EPM2A: variants seen among roughly 807,000 people sequenced by gnomAD.
EPM2A encodes laforin.
Under a neutral mutation model 26.5 loss-of-function variants are expected in EPM2A, and 21 were observed. The ratio of observed to expected loss-of-function variants is 0.79; its 90% confidence interval spans 0.56 to 1.14. EPM2A has a LOEUF of 1.14. EPM2A is among the 50% of genes most tolerant of loss of function. The pLI is 0.00. For synonymous variants in EPM2A, 217 were observed against 177.6 expected, an observed-to-expected ratio of 1.22 and a Z score of -1.76; for missense variants, 458 against 440.8, an observed-to-expected ratio of 1.04 and a Z score of -0.35.
chr6:145,595,987 T>C (rs1781337938), intron 2 of EPM2A, among the ~76,000 whole-genome samples: 1 of 152,134 alleles, frequency 6.6e-6, no homozygotes, highest in African/African-American at 2.4e-5. Flanking sequence ...GCAATAAAAA[T>C]AGATGTTAGT....
intron 2 of EPM2A, among the ~76,000 whole-genome samples, chr6:145,586,919 C>T (rs1781203190): frequency 6.6e-6 from 1 of 152,150 alleles, no homozygotes; most frequent in South Asian, 2.1e-4. Context: ...ATTCTTATTC[C>T]TCATATTATA....
chr6:145,717,992 T>C (rs1775732291), intron 1 of EPM2A, among the ~76,000 whole-genome samples: 1 of 151,136 alleles, frequency 6.6e-6, no homozygotes, highest in African/African-American at 2.4e-5. Context: ...TGGAAGAACA[T>C]TCCATGCTCA....
chr6:145,489,577 TA>T, intron 4 of EPM2A: 1 of 892,398 alleles, frequency 1.1e-6, no homozygotes, highest in Non-Finnish European at 1.7e-6. Flanking sequence ...ATACTGCCCA[TA>T]ATCCGTTCAA....
At chr6:145,388,876 G>T (rs1302153525) in intron 4 of EPM2A, among the ~76,000 whole-genome samples, 1 of 152,152 alleles carries the variant, frequency 6.6e-6, no homozygotes, top group Non-Finnish European at 1.5e-5. Context: ...GTATTCCATG[G>T]TGTAGATGTG....
At chr6:145,618,180 G>C (rs1223603720) in intron 2 of EPM2A, among the ~76,000 whole-genome samples, 3 of 152,002 alleles carry the variant, frequency 2.0e-5, no homozygotes, top group African/African-American at 7.3e-5. Flanking sequence ...CCTCAGAGAG[G>C]GTGTCTTCAA....
At chr6:145,589,335 T>C (rs541984241) in intron 2 of EPM2A, among the ~76,000 whole-genome samples, 1 of 152,296 alleles carries the variant, frequency 6.6e-6, no homozygotes, top group Non-Finnish European at 1.5e-5. Flanking sequence ...TAAAAATGTT[T>C]CCATTTTTAT....
At chr6:145,568,079 A>C (rs1780907139) in intron 2 of EPM2A, among the ~76,000 whole-genome samples, 1 of 152,206 alleles carries the variant, frequency 6.6e-6, no homozygotes, top group Non-Finnish European at 1.5e-5. Context: ...AATGTCATTT[A>C]TGTTAACTAA....
chr6:145,482,196 A>G (rs550776265), intron 4 of EPM2A, among the ~76,000 whole-genome samples: 1 of 152,330 alleles, frequency 6.6e-6, no homozygotes, highest in African/African-American at 2.4e-5. Flanking sequence ...CTGTGATTTC[A>G]GTAGCACTAT....
At chr6:145,473,562 G>A (rs1779503918) in intron 4 of EPM2A, among the ~76,000 whole-genome samples, 1 of 151,906 alleles carries the variant, frequency 6.6e-6, no homozygotes, top group Non-Finnish European at 1.5e-5. Context: ...AGTACAAGAA[G>A]GTTATAGAAC....
intron 2 of EPM2A, among the ~76,000 whole-genome samples, chr6:145,610,168 C>G (rs990903357): frequency 6.6e-6 from 1 of 150,614 alleles, no homozygotes; most frequent in South Asian, 2.1e-4. Flanking sequence ...GAGCCAAGAT[C>G]GTGCCACTGC....
At chr6:145,458,494 G>T (rs1166643521) in intron 4 of EPM2A, among the ~76,000 whole-genome samples, 1 of 152,108 alleles carries the variant, frequency 6.6e-6, no homozygotes, top group South Asian at 2.1e-4. Flanking sequence ...ATCTCTCGAG[G>T]CATTAGGATA....
intron 4 of EPM2A, among the ~76,000 whole-genome samples, chr6:145,402,484 G>A (rs913845530): frequency 6.6e-6 from 1 of 152,110 alleles, no homozygotes; most frequent in Non-Finnish European, 1.5e-5. Flanking sequence ...ATTAAGATTG[G>A]ACAATTGACA....
intron 4 of EPM2A, among the ~76,000 whole-genome samples, chr6:145,476,334 T>A (rs1190052769): frequency 6.6e-6 from 1 of 151,976 alleles, no homozygotes; most frequent in Non-Finnish European, 1.5e-5. Flanking sequence ...AATACAATAT[T>A]AACTGGAGAC....
At position 145,393,391 on chromosome 6, in the gene EPM2A, T is replaced by C. The variant is rs546913343; in HGVS notation, c.556-9294A>G. Among the ~76,000 whole-genome samples, 4 of 152,058 alleles carry C rather than the reference T, an allele frequency of 2.6e-5. No individual in the cohort carries two copies. In the East Asian group the frequency reaches 7.7e-4, roughly 29 times the overall value. On this transcript the variant is annotated intron_variant, in intron 4 of 4. Coordinates refer to the EPM2A transcript ENST00000638717. ...AGATTGTTATTTTTACAGGGAAGTCTGTCACTTTAAACAGAATTGTGAGAA... is the reference window on the plus strand; with the variant it reads ...AGATTGTTATTTTTACAGGGAAGTCCGTCACTTTAAACAGAATTGTGAGAA...
At chr6:145,623,944 G>A (rs1166419536), downstream of EPM2A, among the ~76,000 whole-genome samples, 1 of 152,200 alleles carries the variant, frequency 6.6e-6, no homozygotes, top group Non-Finnish European at 1.5e-5. Flanking sequence ...AGCTGCAAGT[G>A]TATTTCCATT....
At chr6:145,562,061 T>C (rs1018589570) in intron 2 of EPM2A, among the ~76,000 whole-genome samples, 3 of 148,668 alleles carry the variant, frequency 2.0e-5, no homozygotes, top group African/African-American at 2.5e-5. Flanking sequence ...CTTAAATTTT[T>C]CCAAAAAATA....
intron 2 of EPM2A, among the ~76,000 whole-genome samples, chr6:145,595,716 C>T (rs1156517142): frequency 2.6e-5 from 4 of 152,054 alleles, no homozygotes; most frequent in African/African-American, 9.7e-5. Context: ...TGTCACCTTT[C>T]AGCTCATTAT....
At chr6:145,597,146 G>C (rs1401597718) in intron 2 of EPM2A, among the ~76,000 whole-genome samples, 1 of 151,006 alleles carries the variant, frequency 6.6e-6, no homozygotes, top group Non-Finnish European at 1.5e-5. Context: ...CACCCGCCTC[G>C]GCCTCCCAAA....
intron 2 of EPM2A, among the ~76,000 whole-genome samples, chr6:145,579,783 C>G (rs1284813734): frequency 6.6e-6 from 1 of 151,892 alleles, no homozygotes; most frequent in African/African-American, 2.4e-5. Context: ...CTCTTCTTTT[C>G]TGTCTTTTGG....
Sources: gnomAD v4.1 joint callset for allele counts (sites outside exome capture counted in the v4.1 genomes callset) on GRCh38, gnomAD v4.1.1 for gene constraint, MANE v1.5 for transcripts, NCBI Gene and HGNC (gene_info 2026-07-23, HGNC 2026-07-21) for gene names.